BCAS3: variants seen among roughly 807,000 people sequenced by gnomAD.
BCAS3 encodes the protein BCAS4/BCAS3 fusion.
In BCAS3, 53 loss-of-function variants were observed where a neutral mutation model predicts 116.1. That is an observed-to-expected ratio of 0.46 (90% CI 0.37 to 0.57). The LOEUF (loss-of-function observed/expected upper bound fraction) is 0.57, where lower values mean the gene tolerates loss of function less well. Among genes scored for constraint, BCAS3 ranks in the 20% least tolerant of loss-of-function variants. BCAS3 has a pLI of 0.00. For missense variants in BCAS3, 917 were observed against 1,165.4 expected, an observed-to-expected ratio of 0.79 and a Z score of 3.10; for synonymous variants, 391 against 408.2, an observed-to-expected ratio of 0.96 and a Z score of 0.51.
rs1295897340 is a variant in BCAS3 at position 61,366,017 on chromosome 17, C to A, written c.2426-2310C>A. 6.6e-6 allele frequency among the ~76,000 whole-genome samples: 1 copy of A among 151,990 alleles called. No individual in the cohort carries two copies. Among genetic ancestry groups the A allele is most frequent in the African/African-American group, 2.4e-5 (1 of 41,350 alleles). On this transcript the variant is annotated intron_variant, in intron 22 of 23. Transcript: ENST00000407086. The surrounding 1 kb of genome is among the most constrained non-coding windows in gnomAD (Gnocchi z 4.5). ...AATTAGCCAGGCATGATGGCACATGCTTGTAGTCCCAGCTACTCGGGAGGC... is the reference window on the plus strand; with the variant it reads ...AATTAGCCAGGCATGATGGCACATGATTGTAGTCCCAGCTACTCGGGAGGC...
intron 7 of BCAS3, among the ~76,000 whole-genome samples, chr17:60,867,928 G>A (rs73320615): frequency 0.067 from 10,140 of 151,692 alleles, 1,109 homozygotes; most frequent in African/African-American, 0.23. Context: ...ACCCTTTATC[G>A]TATTAAGGAA....
In BCAS3 at chr17:60,799,708, C is replaced by CTTTTTT. The variant is rs67510415; in HGVS notation, c.404-8274_404-8269dup. Among the ~76,000 whole-genome samples the CTTTTTT allele has an allele frequency of 1.1e-3, 53 of 49,832 alleles. 1 individual carries two copies. Among genetic ancestry groups the CTTTTTT allele is most frequent in the African/African-American group, 3.0e-3 (39 of 12,792 alleles). 32.7% of individuals were successfully genotyped at this position (49,832 alleles called of 152,430 possible). A position where few individuals can be genotyped will look rare whatever the true frequency, so the allele number is the denominator to read the frequency against. On this transcript the variant is annotated intron_variant, in intron 6 of 23. Transcript: ENST00000407086. ...TACGCCTGGCTAATTTTTTTCTTTTCTTTTTTTTTTTTTTTTTTTTTTTTT... is the reference window on the plus strand; with the variant it reads ...TACGCCTGGCTAATTTTTTTCTTTTCTTTTTTTTTTTTTTTTTTTTTTTTTTTTTTT...
At chr17:61,240,584 G>A (rs1163824905) in intron 22 of BCAS3, among the ~76,000 whole-genome samples, 2 of 152,184 alleles carry the variant, frequency 1.3e-5, no homozygotes, top group African/African-American at 4.8e-5. Context: ...AACTCAGGAA[G>A]CAGAGGTTGC....
rs1424021104 is a variant in BCAS3, at chr17:60,967,886, A to G, written c.1221+20534A>G. On this transcript the variant is annotated intron_variant, in intron 14 of 23. Coordinates refer to ENST00000407086, the MANE Select transcript of BCAS3 (RefSeq NM_017679.5). The surrounding 1 kb of genome is among the most constrained non-coding windows in gnomAD (Gnocchi z 4.7). ...TATGTTTCTCAGTTCCAAGATTTCT[A>G]TATTTTTTCCCAATCTCTTTGTTAA... Among the ~76,000 whole-genome samples the G allele has an allele frequency of 6.6e-6, 1 of 151,974 alleles. No homozygotes were observed. Among genetic ancestry groups the G allele is most frequent in the Admixed American group, 6.6e-5 (1 of 15,256 alleles).
chr17:60,685,450 C>CAAAAAAA (rs1204965872), intron 3 of BCAS3, among the ~76,000 whole-genome samples: 3 of 54,398 alleles, frequency 5.5e-5, no homozygotes, highest in Non-Finnish European at 1.3e-4. Context: ...AACTCCGTCT[C>CAAAAAAA]AAAAAAAAAA....
intron 22 of BCAS3, among the ~76,000 whole-genome samples, chr17:61,314,367 C>A (rs2054566881): frequency 6.6e-6 from 1 of 152,214 alleles, no homozygotes; most frequent in African/African-American, 2.4e-5. Flanking sequence ...ACAGAGCTGA[C>A]AAGTACAGAT....
intron 10 of BCAS3, among the ~76,000 whole-genome samples, chr17:60,897,716 A>G (rs894442894): frequency 1.3e-5 from 2 of 151,306 alleles, no homozygotes; most frequent in Non-Finnish European, 2.9e-5. Flanking sequence ...TTATTTATTT[A>G]TTTATTTAGA....
At chr17:61,230,469 T>A (rs1037841298) in intron 22 of BCAS3, among the ~76,000 whole-genome samples, 15 of 152,106 alleles carry the variant, frequency 9.9e-5, no homozygotes, top group Non-Finnish European at 1.3e-4. Flanking sequence ...CCTCCCCCTC[T>A]AGTAGTTCAG....
rs2047752455 is a variant in BCAS3, at chr17:61,244,222, A to G, written c.2426-124105A>G. On this transcript the variant is annotated intron_variant, in intron 22 of 23. Coordinates refer to ENST00000407086, the MANE Select transcript of BCAS3 (RefSeq NM_017679.5). This position sits in a 1 kb window ranked among gnomAD's most constrained non-coding sequence, Gnocchi z 4.9. ...AACTAAAATCACTTGTAATTTCCTT[A>G]CCTACAGTTAACAACTATTAACATT... 6.6e-6 allele frequency among the ~76,000 whole-genome samples: 1 copy of G among 152,186 alleles called. No individual in the cohort carries two copies. The highest frequency in any genetic ancestry group is 6.5e-5 in the Admixed American group (1 of 15,274).
chr17:61,322,043 C>T (rs1286177579), intron 22 of BCAS3, among the ~76,000 whole-genome samples: 1 of 152,152 alleles, frequency 6.6e-6, no homozygotes, highest in African/African-American at 2.4e-5. Context: ...AAGCAATTCT[C>T]CTGCCTCAGC....
Position 61,380,862 on chromosome 17 carries a change from G to C in BCAS3, c.2594-11115G>C, listed in dbSNP as rs2059573063. Among the ~76,000 whole-genome samples the C allele has an allele frequency of 6.6e-6, 1 of 152,214 alleles. No homozygotes were observed. Among genetic ancestry groups the C allele is most frequent in the East Asian group, 1.9e-4 (1 of 5,196 alleles). The stretch of plus-strand genomic sequence containing the variant: ...GCTGTGCAGAGCAGGGAGGTCACTA[G>C]GCTCTAATGCATTTACCATTGACTG... On this transcript the variant is annotated intron_variant, in intron 23 of 23. Coordinates refer to ENST00000407086, the MANE Select transcript of BCAS3 (RefSeq NM_017679.5). This position sits in a 1 kb window ranked among gnomAD's most constrained non-coding sequence, Gnocchi z 4.2.
intron 22 of BCAS3, among the ~76,000 whole-genome samples, chr17:61,216,647 G>C (rs28587802): frequency 0.072 from 10,970 of 151,568 alleles, 812 homozygotes; most frequent in African/African-American, 0.19. Flanking sequence ...GGGTTCAAGC[G>C]ATTCTCCTGC....
chr17:60,757,636 G>C (rs1229943963), intron 6 of BCAS3, among the ~76,000 whole-genome samples: 1 of 151,996 alleles, frequency 6.6e-6, no homozygotes, highest in African/African-American at 2.4e-5. Context: ...AATTTTTTGA[G>C]TTCTTTGTAT....
At chr17:61,319,897 T>A (rs1219319469) in intron 22 of BCAS3, among the ~76,000 whole-genome samples, 2 of 68,846 alleles carry the variant, frequency 2.9e-5, no homozygotes, top group African/African-American at 2.3e-4. Context: ...TTATTTTTTA[T>A]TTTTTTTTTT....
At chr17:61,340,749 G>A (rs981941979) in intron 22 of BCAS3, among the ~76,000 whole-genome samples, 1 of 152,184 alleles carries the variant, frequency 6.6e-6, no homozygotes, top group African/African-American at 2.4e-5. Flanking sequence ...CTAACAACTG[G>A]ATGTGGTGGG....
At chr17:60,776,192 C>G (rs555992578) in intron 6 of BCAS3, among the ~76,000 whole-genome samples, 68 of 152,168 alleles carry the variant, frequency 4.5e-4, no homozygotes, top group Non-Finnish European at 9.3e-4. Context: ...TTCATCATAA[C>G]AGTATTGACT....
chr17:61,108,251 C>T (rs992493416), intron 22 of BCAS3, among the ~76,000 whole-genome samples: 3 of 152,090 alleles, frequency 2.0e-5, no homozygotes, highest in African/African-American at 7.2e-5. Context: ...CTTCCTGTAA[C>T]TTTTACGTGA....
chr17:60,749,867 A>AT (rs911635572), intron 6 of BCAS3, among the ~76,000 whole-genome samples: 35 of 152,212 alleles, frequency 2.3e-4, no homozygotes, highest in African/African-American at 8.4e-4. Flanking sequence ...GTTGGCTAAC[A>AT]TTTGAAAATT....
intron 7 of BCAS3, among the ~76,000 whole-genome samples, chr17:60,814,300 T>TGCGCGC (rs1216288009): frequency 0.03 from 3,915 of 130,480 alleles, 177 homozygotes; most frequent in African/African-American, 0.14. Context: ...TGTGTGTGTG[T>TGCGCGC]GTGTGTGCGC....
Sources: gnomAD v4.1 joint callset for allele counts (sites outside exome capture counted in the v4.1 genomes callset) on GRCh38, gnomAD v4.1.1 for gene constraint, Gnocchi (gnomAD v3.1) non-coding constraint, MANE v1.5 for transcripts, NCBI Gene and HGNC (gene_info 2026-07-23, HGNC 2026-07-21) for gene names.